HEMK2: variants seen among roughly 807,000 people sequenced by gnomAD.
HEMK2 encodes the protein HemK methyltransferase 2, ETF1 glutamine and histone H4 lysine, also known as methyltransferase HEMK2.
the HEMK2 span, among the ~76,000 whole-genome samples, chr21:28,763,273 T>G: frequency 6.6e-6 from 1 of 152,282 alleles, no homozygotes; most frequent in Admixed American, 6.5e-5. Context: ...TGGTTCTGCA[T>G]GCTGTACAAG....
chr21:28,737,117 G>C, the HEMK2 span, among the ~76,000 whole-genome samples: 659 of 152,212 alleles, frequency 4.3e-3, 16 homozygotes, highest in East Asian at 0.086. Context: ...TGGTTGGTTG[G>C]TTGGTTGGTT....
chr21:28,735,629 T>C, the HEMK2 span, among the ~76,000 whole-genome samples: 2 of 151,900 alleles, frequency 1.3e-5, no homozygotes, highest in Non-Finnish European at 2.9e-5. Flanking sequence ...ACGACTGGGG[T>C]TGGGGAGGCG....
At chr21:28,778,565 A>G in the HEMK2 span, among the ~76,000 whole-genome samples, 1 of 152,198 alleles carries the variant, frequency 6.6e-6, no homozygotes, top group Non-Finnish European at 1.5e-5. Flanking sequence ...GAAGTGGTCA[A>G]GGTTCTCTGC....
chr21:28,599,560 G>A, the HEMK2 span, among the ~76,000 whole-genome samples: 1,140 of 152,226 alleles, frequency 7.5e-3, 24 homozygotes, highest in African/African-American at 0.027. Context: ...ACATTTGGGT[G>A]GGGACTCAGA....
the HEMK2 span, among the ~76,000 whole-genome samples, chr21:28,692,749 A>C: frequency 6.6e-6 from 1 of 152,176 alleles, no homozygotes; most frequent in Non-Finnish European, 1.5e-5. Context: ...AAAAGTTCAA[A>C]TCACCTTTCA....
At chr21:28,605,705 T>A in the HEMK2 span, among the ~76,000 whole-genome samples, 1 of 152,204 alleles carries the variant, frequency 6.6e-6, no homozygotes, top group African/African-American at 2.4e-5. Flanking sequence ...TATATGTGTA[T>A]CTGTGTGAGT....
the HEMK2 span, among the ~76,000 whole-genome samples, chr21:28,862,860 T>G: frequency 6.6e-6 from 1 of 152,248 alleles, no homozygotes; most frequent in African/African-American, 2.4e-5. Context: ...ATTTAAGTAC[T>G]GTTAACTTTA....
chr21:28,727,526 TGCGTGCTCAAA>T, the HEMK2 span, among the ~76,000 whole-genome samples: 11 of 152,336 alleles, frequency 7.2e-5, no homozygotes, highest in Non-Finnish European at 1.5e-4. Flanking sequence ...AGTTGCACCC[TGCGTGCTCAAA>T]ATAACAAAGG....
At chr21:28,655,873 T>G in the HEMK2 span, among the ~76,000 whole-genome samples, 4 of 152,032 alleles carry the variant, frequency 2.6e-5, no homozygotes, top group Admixed American at 2.0e-4. Flanking sequence ...AAGAAATAAT[T>G]ACAATTAATA....
At chr21:28,876,766 T>C in the HEMK2 span, among the ~76,000 whole-genome samples, 1 of 152,060 alleles carries the variant, frequency 6.6e-6, no homozygotes, top group Admixed American at 6.6e-5. Context: ...TAATTGTCAT[T>C]GTTATTATAG....
the HEMK2 span, among the ~76,000 whole-genome samples, chr21:28,828,070 C>A: frequency 6.6e-6 from 1 of 152,182 alleles, no homozygotes; most frequent in Non-Finnish European, 1.5e-5. Context: ...CTAGCATAGG[C>A]TTTTCTAAGG....
chr21:28,797,750 G>T, the HEMK2 span, among the ~76,000 whole-genome samples: 4 of 152,304 alleles, frequency 2.6e-5, no homozygotes, highest in African/African-American at 9.6e-5. Context: ...TCATAATAAT[G>T]AGGAAAACTA....
chr21:28,604,946 G>A, the HEMK2 span, among the ~76,000 whole-genome samples: 2 of 152,284 alleles, frequency 1.3e-5, no homozygotes, highest in East Asian at 1.9e-4. Flanking sequence ...GTACAGGTCC[G>A]TGCATGTAAC....
At chr21:28,638,424 T>C in the HEMK2 span, among the ~76,000 whole-genome samples, 3 of 152,162 alleles carry the variant, frequency 2.0e-5, no homozygotes, top group South Asian at 6.3e-4. Flanking sequence ...AGGTACAGAT[T>C]AATAAGAGCT....
the HEMK2 span, chr21:28,626,455 G>C: frequency 6.6e-6 from 1 of 152,048 alleles, no homozygotes; most frequent in Non-Finnish European, 1.5e-5. Flanking sequence ...CACAGATTGG[G>C]AGCAAATATT....
At chr21:28,698,125 A>T in the HEMK2 span, among the ~76,000 whole-genome samples, 1 of 152,202 alleles carries the variant, frequency 6.6e-6, no homozygotes, top group Non-Finnish European at 1.5e-5. Flanking sequence ...TCTTAATACT[A>T]TTGTATTGCA....
the HEMK2 span, among the ~76,000 whole-genome samples, chr21:28,766,926 T>C: frequency 6.6e-6 from 1 of 152,052 alleles, no homozygotes; most frequent in African/African-American, 2.4e-5. Context: ...ATGGGTGGAC[T>C]AAAATCTCAG....
the HEMK2 span, among the ~76,000 whole-genome samples, chr21:28,621,755 G>A: frequency 6.6e-6 from 1 of 152,138 alleles, no homozygotes; most frequent in Non-Finnish European, 1.5e-5. Flanking sequence ...GTTAGGTTGG[G>A]GCAGAAATAA....
At chr21:28,699,177 A>G in the HEMK2 span, among the ~76,000 whole-genome samples, 4 of 152,212 alleles carry the variant, frequency 2.6e-5, no homozygotes, top group African/African-American at 9.6e-5. Flanking sequence ...AGTTAAAATT[A>G]CCCTTTTAAT....
Sources: gnomAD v4.1 joint callset for allele counts (sites outside exome capture counted in the v4.1 genomes callset) on GRCh38, gnomAD v4.1.1 for gene constraint, MANE v1.5 for transcripts, NCBI Gene and HGNC (gene_info 2026-07-23, HGNC 2026-07-21) for gene names.